CFAP44: variants seen among roughly 807,000 people sequenced by gnomAD.
The protein encoded by CFAP44 is cilia and flagella associated protein 44.
In CFAP44, 134 loss-of-function variants were observed where a neutral mutation model predicts 216.2. The ratio of observed to expected loss-of-function variants is 0.62; its 90% CI spans 0.54 to 0.72. The LOEUF is 0.72. Among genes scored for constraint, CFAP44 ranks in the 30% least tolerant of loss-of-function variants. CFAP44 has a pLI of 0.00. For synonymous variants in CFAP44, 700 were observed against 727.6 expected (o/e 0.96, Z 0.61); for missense variants, 2,035 against 2,182.1 (o/e 0.93, Z 1.34).
chr3:113,411,258 C>T (rs1934461302), intron 6 of CFAP44, among the ~76,000 whole-genome samples: 1 of 152,156 alleles, frequency 6.6e-6, no homozygotes, highest in South Asian at 2.1e-4. Context: ...AGGTTCTCTT[C>T]TAGGGTTTTT....
At chr3:113,370,159 G>C (rs543296237) in intron 18 of CFAP44, among the ~76,000 whole-genome samples, 6 of 152,282 alleles carry the variant, frequency 3.9e-5, no homozygotes, top group African/African-American at 1.2e-4. Context: ...GTACAAAGAG[G>C]AGCCAGTACC....
intron 28 of CFAP44, among the ~76,000 whole-genome samples, chr3:113,311,322 A>G (rs960983357): frequency 6.6e-6 from 1 of 152,236 alleles, no homozygotes; most frequent in Non-Finnish European, 1.5e-5. Context: ...TTGTACTCCA[A>G]TAATGCCCAC....
At position 113,287,296 on chromosome 3, in the gene CFAP44, C is replaced by A; in HGVS notation, c.*4261G>T. 1 of 300,622 alleles carries A rather than the reference C, an allele frequency of 3.3e-6. No individual in the cohort carries two copies. Among genetic ancestry groups the A allele is most frequent in the South Asian group, 2.9e-5 (1 of 33,934 alleles). The allele number at this position is 300,622 out of a possible 1,614,324, so 18.6% of individuals were successfully genotyped here. ...ACACAGATGGCTGGATCCGGTGCTACGGGAAACATTTTCCTAAGATGCCCA... is the reference window on the plus strand; with the variant it reads ...ACACAGATGGCTGGATCCGGTGCTAAGGGAAACATTTTCCTAAGATGCCCA... On this transcript the variant is annotated 3_prime_UTR_variant, in exon 35 of 35. Transcript: ENST00000393845.
intron 22 of CFAP44, 129 bp from the exon 23 acceptor site, chr3:113,344,841 A>G: frequency 2.4e-6 from 2 of 830,476 alleles, no homozygotes; most frequent in Non-Finnish European, 3.5e-6. Flanking sequence ...CTCAAATTTT[A>G]ACATATATAT....
chr3:113,323,952 G>A (rs1317050742), intron 28 of CFAP44, among the ~76,000 whole-genome samples: 4 of 151,152 alleles, frequency 2.6e-5, no homozygotes, highest in Non-Finnish European at 5.9e-5. Context: ...GCTGAGGCAG[G>A]AGAATCGCTT....
intron 2 of CFAP44, chr3:113,432,331 T>C (rs1935127094): frequency 6.6e-6 from 1 of 152,232 alleles, no homozygotes; most frequent in Non-Finnish European, 1.5e-5. Flanking sequence ...ATATGCACTA[T>C]TTAAAAATTA....
Position 113,342,087 on chromosome 3 carries a change from C to T in CFAP44, c.3263-169G>A, listed in dbSNP as rs543756855. On this transcript the variant is annotated intron_variant, in intron 23 of 34. Transcript: ENST00000393845. ...GTGGCTCTTGCCTGTAATCCCAGCA[C>T]TTTGGGAGGCTGAAGCGGGTGGATC... Among the ~76,000 whole-genome samples the T allele has an allele frequency of 1.6e-3, 243 of 152,288 alleles. 1 individual carries two copies. The highest frequency in any genetic ancestry group is 5.4e-3 in the African/African-American group (226 of 41,552).
In CFAP44 at chr3:113,287,823, T is replaced by G. The variant is rs1949786562; in HGVS notation, c.*3734A>C. 6.6e-6 allele frequency: 1 copy of G among 152,264 alleles called. No individual in the cohort carries two copies. Among genetic ancestry groups the G allele is most frequent in the African/African-American group, 2.4e-5 (1 of 41,468 alleles). 9.4% of individuals were successfully genotyped at this position (152,264 alleles called of 1,614,324 possible). ...TATTTTCTCCAAAATACTGTTTAGC[T>G]AAGTGCTGTGCCACACATGGACATA... On this transcript the variant is annotated 3_prime_UTR_variant, in exon 35 of 35. Transcript: ENST00000393845.
At chr3:113,438,519 G>C (rs537041088) in intron 1 of CFAP44, among the ~76,000 whole-genome samples, 4 of 152,322 alleles carry the variant, frequency 2.6e-5, no homozygotes, top group Admixed American at 1.3e-4. Flanking sequence ...AAAGCTCTAA[G>C]AATGATACAT....
At chr3:113,317,727 G>A (rs937220657) in intron 28 of CFAP44, among the ~76,000 whole-genome samples, 2 of 152,248 alleles carry the variant, frequency 1.3e-5, no homozygotes, top group East Asian at 3.9e-4. Flanking sequence ...AGTATTGAGA[G>A]GGGTGAGATG....
chr3:113,321,865 G>A (rs183874771), intron 28 of CFAP44, among the ~76,000 whole-genome samples: 2 of 152,272 alleles, frequency 1.3e-5, no homozygotes, highest in Admixed American at 6.5e-5. Flanking sequence ...AGAAATCAGA[G>A]ATGACAAAAA....
chr3:113,292,539 T>C (rs1251322542), intron 34 of CFAP44, among the ~76,000 whole-genome samples: 2 of 152,228 alleles, frequency 1.3e-5, no homozygotes, highest in Non-Finnish European at 2.9e-5. Flanking sequence ...GGTGCCCACT[T>C]TGTGCAAGGT....
chr3:113,374,510 T>G (rs1933275407), intron 17 of CFAP44, among the ~76,000 whole-genome samples: 1 of 152,134 alleles, frequency 6.6e-6, no homozygotes, highest in Non-Finnish European at 1.5e-5. Context: ...TCTCATAGAC[T>G]TATGGAGAAA....
chr3:113,320,407 T>C (rs1338082818), intron 28 of CFAP44, among the ~76,000 whole-genome samples: 2 of 127,756 alleles, frequency 1.6e-5, no homozygotes, highest in Admixed American at 7.5e-5. Context: ...GGAGCAGATA[T>C]ATACATGATA....
intron 20 of CFAP44, 84 bp from the exon 21 acceptor site, chr3:113,363,391 A>G: frequency 7.0e-6 from 11 of 1,569,254 alleles, no homozygotes; most frequent in Non-Finnish European, 9.5e-6. Flanking sequence ...TAATTTGAAA[A>G]TTCATTAAGC....
intron 10 of CFAP44, 142 bp downstream of exon 10, chr3:113,401,442 C>A: frequency 8.2e-7 from 1 of 1,222,956 alleles, no homozygotes; most frequent in Non-Finnish European, 1.1e-6. Context: ...AAAACAACTT[C>A]TATATTTTAG....
rs112627982 is a variant in CFAP44, at chr3:113,422,268, A to G, written c.408-2089T>C. Among the ~76,000 whole-genome samples the G allele has an allele frequency of 8.2e-3, 1,251 of 152,322 alleles. 21 individuals are homozygous for G. The highest frequency in any genetic ancestry group is 0.029 in the African/African-American group (1,187 of 41,584). On this transcript the variant is annotated intron_variant, in intron 4 of 34. Coordinates refer to ENST00000393845, the MANE Select transcript of CFAP44 (RefSeq NM_001164496.2). ...ATTTGTATTTCTTGAGCCCTTGTTT[A>G]AAAACAAATTCTGATTTTAGAGAAT...
chr3:113,436,489 T>G (rs1935243911), intron 1 of CFAP44, among the ~76,000 whole-genome samples: 2 of 152,318 alleles, frequency 1.3e-5, no homozygotes, highest in East Asian at 3.9e-4. Flanking sequence ...GATGAAGAAA[T>G]CAACAATTCT....
rs1949829669 is a variant in CFAP44, at chr3:113,291,597, T to A, written c.5525A>T (p.Gln1842Leu). ...CTGTATCTCTTTCTCTCGTGGAGAC[T>A]GAATGGGTGGGAGGATAAGACTGCC... ...RKGSLILPPI[Q>L]SPREKEIQPA... Residue 1842 changes from glutamine to leucine, a missense_variant, in exon 35 of 35, where the codon CAG (glutamine) becomes CTG (leucine). By Grantham distance (113) the Gln-to-Leu change is moderately radical. Coordinates refer to ENST00000393845, the MANE Select transcript of CFAP44 (RefSeq NM_001164496.2). 2.6e-6 allele frequency: 4 copies of A among 1,537,248 alleles called. No homozygotes were observed. Among genetic ancestry groups the A allele is most frequent in the Middle Eastern group, 1.7e-4 (1 of 5,990 alleles).
Sources: allele counts gnomAD v4.1 joint callset (sites outside exome capture counted in the v4.1 genomes callset), GRCh38; gene constraint gnomAD v4.1.1; transcripts MANE v1.5; gene names NCBI Gene and HGNC (gene_info 2026-07-23, HGNC 2026-07-21).